Variants in EXPH5 observed in about 807,000 individuals in gnomAD.
EXPH5 encodes the protein exophilin 5.
Under a neutral mutation model 41.1 loss-of-function variants are expected in EXPH5, and 42 were observed. The observed-to-expected ratio is 1.02, with a 90% confidence interval of 0.80 to 1.32. The LOEUF is 1.32. Among genes scored for constraint, EXPH5 ranks in the 40% most tolerant of loss-of-function variants. EXPH5 has a pLI of 0.00. For synonymous variants in EXPH5, 798 were observed against 833.5 expected (o/e 0.96, Z 0.73); for missense variants, 2,298 against 2,314.5 (o/e 0.99, Z 0.15).
intron 1 of EXPH5, among the ~76,000 whole-genome samples, chr11:108,564,453 A>G (rs1214863087): frequency 6.6e-6 from 1 of 152,136 alleles, no homozygotes; most frequent in Non-Finnish European, 1.5e-5. Flanking sequence ...CCCACTTAGC[A>G]TTACATTAAG....
At chr11:108,575,245 T>C (rs2094075876) in intron 1 of EXPH5, among the ~76,000 whole-genome samples, 1 of 152,190 alleles carries the variant, frequency 6.6e-6, no homozygotes, top group South Asian at 2.1e-4. Flanking sequence ...TAAAAAGTAA[T>C]ACCACCATCC....
At chr11:108,524,325 T>A (rs1021732620) in intron 4 of EXPH5, among the ~76,000 whole-genome samples, 7 of 152,212 alleles carry the variant, frequency 4.6e-5, no homozygotes, top group African/African-American at 1.7e-4. Flanking sequence ...ATTAGGTGAA[T>A]TAATATTAAT....
intron 1 of EXPH5, among the ~76,000 whole-genome samples, chr11:108,573,519 G>C (rs964315063): frequency 2.6e-5 from 4 of 152,178 alleles, no homozygotes; most frequent in African/African-American, 9.7e-5. Context: ...ATTTCCTTCT[G>C]AGATTTTATA....
chr11:108,514,231 G>C lies in EXPH5; in HGVS notation c.1276C>G (p.Arg426Gly). ...ESYHSQNVYQ[R>G]VSLNAPMENA... ...TCCATGGGAGCATTTAAACTAACAC[G>C]TTGGTAAACATTCTGTGAATGGTAC... The change falls in exon 6 of 6, where the codon CGT becomes GGT. Residue 426 changes from arginine to glycine, a missense_variant. Coordinates refer to ENST00000265843, the MANE Select transcript of EXPH5 (RefSeq NM_015065.3). 6.2e-7 allele frequency: 1 copy of C among 1,614,198 alleles called. No individual in the cohort carries two copies. The highest frequency in any genetic ancestry group is 1.7e-5 in the Admixed American group (1 of 60,026).
chr11:108,550,105 C>T lies in EXPH5; in HGVS notation c.120-8293G>A, dbSNP rs192756445. ...ACTGTTAAGAGGCACCTCCTTTCAC[C>T]TCCTCCTGGAATCTGGGCCAGACTT... On this transcript the variant is annotated intron_variant, in intron 1 of 5. Coordinates refer to ENST00000265843, the MANE Select transcript of EXPH5 (RefSeq NM_015065.3). 9.2e-5 allele frequency among the ~76,000 whole-genome samples: 14 copies of T among 152,362 alleles called. No homozygotes were observed. In the East Asian group the frequency reaches 1.5e-3, roughly 17 times the overall value.
intron 1 of EXPH5, among the ~76,000 whole-genome samples, chr11:108,582,679 A>T (rs1224007511): frequency 6.6e-6 from 1 of 152,230 alleles, no homozygotes; most frequent in Non-Finnish European, 1.5e-5. Context: ...CGACTTGAAC[A>T]ACAGACATGT....
Position 108,511,193 on chromosome 11 carries a change from G to C in EXPH5, c.4314C>G (p.Ser1438=). 1 of 1,613,018 alleles carries C rather than the reference G, an allele frequency of 6.2e-7. No homozygotes were observed. The highest frequency in any genetic ancestry group is 8.5e-7 in the Non-Finnish European group (1 of 1,179,796). Residue 1438 remains serine, a synonymous_variant, in exon 6 of 6, where the codon TCC becomes TCG. Coordinates refer to ENST00000265843, the MANE Select transcript of EXPH5 (RefSeq NM_015065.3). ...ACTCCCAAGAACTTCTTCTAGTTTG[G>C]GAATTTCCAATATTAACTTCTGAAA... The part of the protein sequence containing the change: ...PALSEVNIGN[S]QTRRSSWECT...
intron 1 of EXPH5, among the ~76,000 whole-genome samples, chr11:108,589,647 T>C (rs1457225538): frequency 1.3e-5 from 2 of 152,168 alleles, no homozygotes; most frequent in African/African-American, 2.4e-5. Flanking sequence ...CTGACGTTTA[T>C]GAGCTGTGTG....
the EXPH5 span, among the ~76,000 whole-genome samples, chr11:108,603,109 C>T: frequency 2.0e-5 from 3 of 152,214 alleles, no homozygotes; most frequent in Non-Finnish European, 2.9e-5. Context: ...CCTTTGTCTT[C>T]TGCCACGATT....
intron 5 of EXPH5, among the ~76,000 whole-genome samples, chr11:108,516,270 C>G (rs997549663): frequency 1.3e-5 from 2 of 152,024 alleles, no homozygotes; most frequent in Non-Finnish European, 2.9e-5. Context: ...GGCCCCCTTA[C>G]GATAACTGAA....
intron 1 of EXPH5, among the ~76,000 whole-genome samples, chr11:108,564,053 A>G (rs890666243): frequency 6.6e-6 from 1 of 151,954 alleles, no homozygotes; most frequent in Non-Finnish European, 1.5e-5. Flanking sequence ...GCTGAGGCGG[A>G]CGGATCACTT....
intron 1 of EXPH5, among the ~76,000 whole-genome samples, chr11:108,581,593 C>T (rs2094098363): frequency 1.3e-5 from 2 of 151,742 alleles, no homozygotes; most frequent in Non-Finnish European, 2.9e-5. Flanking sequence ...AAGTTTTCAC[C>T]TTAAGAAATG....
At chr11:108,574,914 T>A (rs2094074859) in intron 1 of EXPH5, among the ~76,000 whole-genome samples, 1 of 152,202 alleles carries the variant, frequency 6.6e-6, no homozygotes, top group Non-Finnish European at 1.5e-5. Context: ...CAGCTGCAGC[T>A]ATTTTGCGTT....
chr11:108,541,802 T>A lies in EXPH5; in HGVS notation c.130A>T (p.Lys44Ter). 1 of 1,590,594 alleles carries A rather than the reference T, an allele frequency of 6.3e-7. No homozygotes were observed. The highest frequency in any genetic ancestry group is 8.5e-7 in the Non-Finnish European group (1 of 1,173,248). Residue 44 changes from lysine to a stop codon, truncating the protein, a stop_gained, in exon 2 of 6, where the codon AAG becomes TAG. Coordinates refer to ENST00000265843, the MANE Select transcript of EXPH5 (RefSeq NM_015065.3). LOFTEE classifies it high-confidence loss of function. ...AEKDRISKLQ[K>*]TKRDIRWLQG... ...AGCCATCTGATATCCCTCTTTGTCT[T>A]CTGAAGTTTGCTGAAATAAAATAAA... is the stretch of plus-strand genomic sequence containing the variant.
At chr11:108,537,865 T>C (rs1051120408) in intron 3 of EXPH5, 1 of 536,280 alleles carries the variant, frequency 1.9e-6, no homozygotes, top group Non-Finnish European at 2.4e-6. Flanking sequence ...CTCCCTCAAA[T>C]AAATATTTAC....
chr11:108,541,676 G>C lies in EXPH5; in HGVS notation c.256C>G (p.Leu86Val). The stretch of plus-strand genomic sequence containing the variant: ...CCATTTTTTGCCATCTCCTTACTTA[G>C]CCTGTATGTAAGTGGTTGTTTTAAC... ...QMLKQPLTYRLSKEMAKNDPI... is the reference protein window; with the variant it reads ...QMLKQPLTYRVSKEMAKNDPI... The change falls in exon 2 of 6, where the codon CTA becomes GTA. Residue 86 changes from leucine to valine, a missense_variant. Physicochemically the swap from Leu to Val is conservative, Grantham distance 32. Coordinates refer to ENST00000265843, the MANE Select transcript of EXPH5 (RefSeq NM_015065.3). 8.7e-6 allele frequency: 14 copies of C among 1,601,322 alleles called. No homozygotes were observed. Among genetic ancestry groups the C allele is most frequent in the Non-Finnish European group, 1.2e-5 (14 of 1,176,014 alleles).
chr11:108,589,598 G>C (rs976540913), intron 1 of EXPH5, among the ~76,000 whole-genome samples: 13 of 152,190 alleles, frequency 8.5e-5, no homozygotes, highest in African/African-American at 2.9e-4. Context: ...CGTAACATCT[G>C]GTTCTGATGC....
rs1471452982 is a variant in EXPH5 at position 108,512,891 on chromosome 11, G to T, written c.2616C>A (p.Thr872=). Residue 872 remains threonine, a synonymous_variant, in exon 6 of 6, where the codon ACC becomes ACA. Transcript: ENST00000265843. ...SKCKLTPGHK[T]SCDSLDLSSA... is the part of the protein sequence containing the mutation. Reference sequence around the variant, plus strand: ...ATGACAGATCTAAAGAATCACACGAGGTCTTGTGGCCAGGAGTTAACTTGC... The same window carrying T: ...ATGACAGATCTAAAGAATCACACGATGTCTTGTGGCCAGGAGTTAACTTGC... 7 of 1,613,992 alleles carry T rather than the reference G, an allele frequency of 4.3e-6. No individual in the cohort carries two copies. Among genetic ancestry groups the T allele is most frequent in the Non-Finnish European group, 5.1e-6 (6 of 1,179,928 alleles).
At chr11:108,528,746 A>G (rs1221172792) in intron 3 of EXPH5, among the ~76,000 whole-genome samples, 2 of 118,278 alleles carry the variant, frequency 1.7e-5, no homozygotes, top group East Asian at 5.0e-4. Context: ...TTTGTCGCCC[A>G]GGCTGGAGTG....
Sources: allele counts gnomAD v4.1 joint callset (sites outside exome capture counted in the v4.1 genomes callset), GRCh38; gene constraint gnomAD v4.1.1; transcripts MANE v1.5; gene names NCBI Gene and HGNC (gene_info 2026-07-23, HGNC 2026-07-21).